The following FRMD4A variants were observed in gnomAD, a reference collection of about 807,000 sequenced individuals.
FRMD4A encodes the protein FERM domain-containing protein 4A.
In FRMD4A, 29 loss-of-function variants were observed where a neutral mutation model predicts 129.1. The observed-to-expected ratio is 0.22, with a 90% CI of 0.17 to 0.31. FRMD4A has a LOEUF of 0.31. Ranked by LOEUF, FRMD4A falls within the 10% of genes least tolerant of loss-of-function variation. The probability of loss-of-function intolerance (pLI) is 1.00; values close to 1 mark genes in which losing one functional copy is unlikely to be tolerated. For missense variants in FRMD4A, 1,272 were observed against 1,375.8 expected (o/e 0.92, Z 1.19); for synonymous variants, 634 against 571.6 (o/e 1.11, Z -1.56).
At chr10:13,804,484 G>A (rs2093321560) in intron 4 of FRMD4A, among the ~76,000 whole-genome samples, 1 of 151,354 alleles carries the variant, frequency 6.6e-6, no homozygotes, top group Admixed American at 6.6e-5. Context: ...AGCCTTCCTG[G>A]CAGTGGTTCT....
At chr10:13,777,028 T>A (rs527504965) in intron 6 of FRMD4A, among the ~76,000 whole-genome samples, 1 of 152,222 alleles carries the variant, frequency 6.6e-6, no homozygotes, top group East Asian at 1.9e-4. Context: ...CCTTATAACA[T>A]CCTTGCTCAA....
intron 2 of FRMD4A, among the ~76,000 whole-genome samples, chr10:14,213,052 C>T (rs911883930): frequency 6.6e-6 from 1 of 151,924 alleles, no homozygotes; most frequent in Non-Finnish European, 1.5e-5. Context: ...GCTGTGGCAA[C>T]GTAGTGAGAT....
At chr10:14,126,726 T>C (rs1181303644) in intron 2 of FRMD4A, among the ~76,000 whole-genome samples, 1 of 152,190 alleles carries the variant, frequency 6.6e-6, no homozygotes, top group Admixed American at 6.5e-5. Context: ...ATAATCTGAA[T>C]CACCTTGCAG....
intron 2 of FRMD4A, among the ~76,000 whole-genome samples, chr10:14,188,043 T>A (rs1367077740): frequency 2.0e-5 from 3 of 152,168 alleles, no homozygotes; most frequent in African/African-American, 7.2e-5. Context: ...CACTTAAAAC[T>A]CTAACCTCCT....
At chr10:13,782,591 G>A (rs923748857) in intron 6 of FRMD4A, among the ~76,000 whole-genome samples, 1 of 151,900 alleles carries the variant, frequency 6.6e-6, no homozygotes, top group African/African-American at 2.4e-5. Flanking sequence ...CTACAGGCAT[G>A]TGCCACCATG....
At chr10:14,148,382 T>C (rs1183763066) in intron 2 of FRMD4A, among the ~76,000 whole-genome samples, 3 of 152,210 alleles carry the variant, frequency 2.0e-5, no homozygotes, top group African/African-American at 4.8e-5. Flanking sequence ...AACCAGGAAC[T>C]TGCCTTTGCA....
At chr10:13,693,658 T>C in intron 15 of FRMD4A, 1 of 645,982 alleles carries the variant, frequency 1.5e-6, no homozygotes, top group Non-Finnish European at 2.7e-6. Context: ...CCAGCAGGCC[T>C]TCTTGCACTG....
At position 13,734,927 on chromosome 10, in the gene FRMD4A, G is replaced by A. The variant is rs949220246; in HGVS notation, c.759+2917C>T. Among the ~76,000 whole-genome samples, 17 of 151,236 alleles carry A rather than the reference G, an allele frequency of 1.1e-4. No homozygotes were observed. The South Asian group carries it at 1.9e-3, about 17-fold the overall frequency. ...CTGGCTCTGTCACCCAGGCTGGAGC[G>A]CAGTGGTGCGATCTCAGCTTACTGC... On this transcript the variant is annotated intron_variant, in intron 12 of 24. Coordinates refer to ENST00000357447, the MANE Select transcript of FRMD4A (RefSeq NM_018027.5).
chr10:13,733,114 G>A (rs1329663545), intron 12 of FRMD4A, among the ~76,000 whole-genome samples: 2 of 152,230 alleles, frequency 1.3e-5, no homozygotes, highest in Non-Finnish European at 2.9e-5. Flanking sequence ...GACTTGCATC[G>A]ATATGCATTC....
At chr10:14,001,803 A>G (rs894380307) in intron 2 of FRMD4A, among the ~76,000 whole-genome samples, 1 of 152,200 alleles carries the variant, frequency 6.6e-6, no homozygotes, top group Non-Finnish European at 1.5e-5. Context: ...GGGGCTGGCT[A>G]ATAATATGTG....
chr10:13,689,549 C>CTTTTTTTTTTTTTTTTT (rs34800095), intron 15 of FRMD4A, among the ~76,000 whole-genome samples: 4 of 128,640 alleles, frequency 3.1e-5, no homozygotes, highest in African/African-American at 1.2e-4. Flanking sequence ...TTAGAAGATT[C>CTTTTTTTTTTTTTTTTT]TTTTTTTTTT....
intron 2 of FRMD4A, among the ~76,000 whole-genome samples, chr10:13,971,108 G>A (rs1037668488): frequency 3.9e-5 from 6 of 151,948 alleles, no homozygotes; most frequent in African/African-American, 1.2e-4. Flanking sequence ...ACACACACAC[G>A]TGCACACATG....
intron 2 of FRMD4A, among the ~76,000 whole-genome samples, chr10:14,021,418 A>C (rs1320364389): frequency 6.6e-6 from 1 of 151,882 alleles, no homozygotes; most frequent in Admixed American, 6.6e-5. Context: ...ACAGCTGGGC[A>C]TGGTGGCTTA....
intron 2 of FRMD4A, among the ~76,000 whole-genome samples, chr10:14,286,333 T>C (rs1342149857): frequency 1.3e-5 from 2 of 152,192 alleles, no homozygotes; most frequent in African/African-American, 2.4e-5. Context: ...AATGGAAGCA[T>C]GGGAAGGACG....
chr10:14,190,662 C>T (rs374020115), intron 2 of FRMD4A, among the ~76,000 whole-genome samples: 7 of 152,278 alleles, frequency 4.6e-5, no homozygotes, highest in South Asian at 2.1e-4. Flanking sequence ...CTGGGATTAC[C>T]GGCGTGAGCC....
intron 14 of FRMD4A, among the ~76,000 whole-genome samples, chr10:13,697,639 C>G (rs1191134021): frequency 1.4e-5 from 2 of 145,202 alleles, no homozygotes; most frequent in Non-Finnish European, 2.9e-5. Context: ...ACTCAGTCTT[C>G]TGTCTGATAT....
At chr10:13,839,860 A>G (rs1308397700) in intron 3 of FRMD4A, among the ~76,000 whole-genome samples, 1 of 152,172 alleles carries the variant, frequency 6.6e-6, no homozygotes, top group African/African-American at 2.4e-5. Context: ...TCCCTGGAGA[A>G]ACACTGAGCC....
chr10:14,188,001 T>G (rs1347112727), intron 2 of FRMD4A, among the ~76,000 whole-genome samples: 1 of 152,154 alleles, frequency 6.6e-6, no homozygotes, highest in Non-Finnish European at 1.5e-5. Flanking sequence ...GGAAGGTATC[T>G]CCACCTCCTT....
intron 15 of FRMD4A, among the ~76,000 whole-genome samples, chr10:13,680,587 G>T (rs561507204): frequency 2.0e-5 from 3 of 151,910 alleles, no homozygotes; most frequent in African/African-American, 7.3e-5. Flanking sequence ...TCAGCTGGGC[G>T]TTGTGGCATG....
Sources: allele counts gnomAD v4.1 joint callset (sites outside exome capture counted in the v4.1 genomes callset), GRCh38; gene constraint gnomAD v4.1.1; transcripts MANE v1.5; gene names NCBI Gene and HGNC (gene_info 2026-07-23, HGNC 2026-07-21).